Variants in TSPOAP1 observed in about 807,000 individuals in gnomAD.
TSPOAP1 encodes the protein peripheral-type benzodiazepine receptor-associated protein 1.
Under a neutral mutation model 197.0 loss-of-function variants are expected in TSPOAP1, and 87 were observed. The observed-to-expected ratio is 0.44, with a 90% CI of 0.37 to 0.53. The LOEUF is 0.53. Among genes scored for constraint, TSPOAP1 ranks in the 20% least tolerant of loss-of-function variants. The pLI, the probability that TSPOAP1 is intolerant of heterozygous loss-of-function variation, is 0.00. For missense variants in TSPOAP1, 2,174 were observed against 2,411.3 expected (o/e 0.90, Z 2.06); for synonymous variants, 913 against 998.9 (o/e 0.91, Z 1.62).
Position 58,309,914 on chromosome 17 carries a change from G to A in TSPOAP1, c.3891+53C>T. On this transcript the variant is annotated intron_variant, in intron 21 of 31. Transcript: ENST00000343736. The surrounding 1 kb of genome is among the most constrained non-coding windows in gnomAD (Gnocchi z 5.0). ...AGAGCACCTGCTGACACACAGTGGG[G>A]AGGCCCCGGAGTTTGAGGCCTGGGG... 2 of 1,555,472 alleles carry A rather than the reference G, an allele frequency of 1.3e-6. No individual in the cohort carries two copies. Among genetic ancestry groups the A allele is most frequent in the South Asian group, 1.2e-5 (1 of 81,914 alleles).
chr17:58,309,975 C>T lies in TSPOAP1; in HGVS notation c.3883G>A (p.Gly1295Arg), dbSNP rs779401659. 4.3e-6 allele frequency: 7 copies of T among 1,612,096 alleles called. No homozygotes were observed. The South Asian group carries it at 7.7e-5, about 18-fold the overall frequency. Residue 1295 changes from glycine to arginine, a missense_variant, in exon 21 of 32, where the codon GGG becomes AGG. Coordinates refer to ENST00000343736, the MANE Select transcript of TSPOAP1 (RefSeq NM_004758.4). This position sits in a 1 kb window ranked among gnomAD's most constrained non-coding sequence, Gnocchi z 5.0. ...QVAGNSIREN[G>R]AKSQPDPFCE... ...CATCCCTACCCCGTTACCTTGGCCC[C>T]ATTCTCCCTGATGCTGTTGCCAGCA...
intron 5 of TSPOAP1, 65 bp from the exon 6 acceptor site, chr17:58,323,610 C>A: frequency 6.5e-7 from 1 of 1,532,358 alleles, no homozygotes; most frequent in Non-Finnish European, 8.9e-7. Flanking sequence ...CCTGCCCCAG[C>A]CCAGCCTGCC....
chr17:58,304,545 G>A lies in TSPOAP1; in HGVS notation c.5545-146C>T. The A allele has an allele frequency of 1.5e-6, 1 of 685,862 alleles. No homozygotes were observed. The allele number at this position is 685,862 out of a possible 1,614,324, so 42.5% of individuals were successfully genotyped here. On this transcript the variant is annotated intron_variant, in intron 30 of 31. Transcript: ENST00000343736. The surrounding 1 kb of genome is among the most constrained non-coding windows in gnomAD (Gnocchi z 4.2). Reference sequence around the variant, plus strand: ...ATGGAAGCCCTGAGTTTTCTGGCTGGGGCTTGGCCTCTTCACCCTCTCTCC... The same window carrying A: ...ATGGAAGCCCTGAGTTTTCTGGCTGAGGCTTGGCCTCTTCACCCTCTCTCC...
At position 58,328,093 on chromosome 17, in the gene TSPOAP1, C is replaced by T. The variant is rs1346836353; in HGVS notation, c.-173G>A. ...CACCCACAAAGGAGGCTGCAGAAGG[C>T]GCCAGGGCTGCTGGAGCTGGAGCCA... On this transcript the variant is annotated 5_prime_UTR_variant, in exon 1 of 32. Transcript: ENST00000343736. This position sits in a 1 kb window ranked among gnomAD's most constrained non-coding sequence, Gnocchi z 4.3. The T allele has an allele frequency of 2.4e-5, 15 of 636,336 alleles. No individual in the cohort carries two copies. Among genetic ancestry groups the T allele is most frequent in the African/African-American group, 9.2e-5 (5 of 54,638 alleles). 39.4% of individuals were successfully genotyped at this position (636,336 alleles called of 1,614,324 possible).
At chr17:58,323,260 G>T (rs775240910) in intron 7 of TSPOAP1, 38 bp downstream of exon 7, 3 of 1,611,516 alleles carry the variant, frequency 1.9e-6, no homozygotes, top group East Asian at 4.5e-5. Context: ...CCGGGGTGAA[G>T]GGAGGAGCTG....
rs1971604531 is a variant in TSPOAP1 at position 58,326,301 on chromosome 17, G to A, written c.562C>T (p.Leu188=). ...CAGCCTCCTTTCCTCACCACCCTCA[G>A]GTTCGTTTCCTGCAGCTTTCGGGCC... ...ERARKLQETN[L]RVVSAPLPRP... The change falls in exon 3 of 32, where the codon CTG becomes TTG. Residue 188 remains leucine (L), a synonymous_variant. Coordinates refer to ENST00000343736, the MANE Select transcript of TSPOAP1 (RefSeq NM_004758.4). This position sits in a 1 kb window ranked among gnomAD's most constrained non-coding sequence, Gnocchi z 4.7. 12 of 1,613,922 alleles carry A rather than the reference G, an allele frequency of 7.4e-6. No individual in the cohort carries two copies. The highest frequency in any genetic ancestry group is 1.0e-5 in the Non-Finnish European group (12 of 1,180,000).
At position 58,322,373 on chromosome 17, in the gene TSPOAP1, C is replaced by A. The variant is rs1971427564; in HGVS notation, c.1357G>T (p.Val453Leu). 6.2e-7 allele frequency: 1 copy of A among 1,606,316 alleles called. No homozygotes were observed. Among genetic ancestry groups the A allele is most frequent in the African/African-American group, 1.3e-5 (1 of 75,036 alleles). Residue 453 changes from valine (V) to leucine (L), a missense_variant, in exon 10 of 32, where the codon GTG becomes TTG. This residue lies in a region of TSPOAP1 where 1,933 missense variants were observed against 2,139.0 expected (regional missense o/e 0.90). Transcript: ENST00000343736. The surrounding 1 kb of genome is among the most constrained non-coding windows in gnomAD (Gnocchi z 5.0). ...CTGAGCCGAGCCTGTTCATGCTCCA[C>A]CTCCAGCTGCTGCCGCCGCTGGGCC... ...EVAQRRQQLE[V>L]EHEQARLSLR...
Position 58,310,611 on chromosome 17 carries a change from C to T in TSPOAP1, c.3600G>A (p.Pro1200=), listed in dbSNP as rs1002030933. The change falls in exon 20 of 32, where the codon CCG becomes CCA. Residue 1200 remains proline (P), a synonymous_variant. Transcript: ENST00000343736. ...EAEWTAGEAC[P]ASSSTQGARA... Reference sequence around the variant, plus strand: ...GTGCTCCCTGGGTGGAGCTGGAGGCCGGACAGGCCTCTCCTGCAGTCCACT... The same window carrying T: ...GTGCTCCCTGGGTGGAGCTGGAGGCTGGACAGGCCTCTCCTGCAGTCCACT... The T allele has an allele frequency of 1.1e-5, 17 of 1,613,110 alleles. No individual in the cohort carries two copies. The highest frequency in any genetic ancestry group is 3.3e-5 in the South Asian group (3 of 91,088).
intron 16 of TSPOAP1, among the ~76,000 whole-genome samples, chr17:58,313,203 G>A (rs1971123463): frequency 6.6e-6 from 1 of 152,094 alleles, no homozygotes; most frequent in African/African-American, 2.4e-5. Flanking sequence ...GTTGAATCTA[G>A]GTGCTGGCTA....
chr17:58,322,420 A>C lies in TSPOAP1; in HGVS notation c.1318-8T>G. 1 of 1,605,546 alleles carries C rather than the reference A, an allele frequency of 6.2e-7. No individual in the cohort carries two copies. The highest frequency in any genetic ancestry group is 8.5e-7 in the Non-Finnish European group (1 of 1,179,830). On this transcript the variant is annotated splice_polypyrimidine_tract_variant and splice_region_variant and intron_variant, in intron 9 of 31. Transcript: ENST00000343736. This position sits in a 1 kb window ranked among gnomAD's most constrained non-coding sequence, Gnocchi z 5.0. ...GGCCACCTCCCGCATGTGCTGAAAC[A>C]CAAGATCTGAGTCAAGGCCAGAGCC...
In TSPOAP1 at chr17:58,326,907, T is replaced by TC; in HGVS notation, c.334-118dup. 1 of 832,168 alleles carries TC rather than the reference T, an allele frequency of 1.2e-6. No homozygotes were observed. Among genetic ancestry groups the TC allele is most frequent in the Non-Finnish European group, 2.0e-6 (1 of 504,538 alleles). The allele number at this position is 832,168 out of a possible 1,614,324, so 51.5% of individuals were successfully genotyped here. A position where few individuals can be genotyped will look rare whatever the true frequency, so the allele number is the denominator to read the frequency against. ...AAGGAGACATGGAGATGAAACGGTT[T>TC]CCCCTATGTCCCAGGCCTTCAGAGA... On this transcript the variant is annotated intron_variant, in intron 1 of 31. Coordinates refer to ENST00000343736, the MANE Select transcript of TSPOAP1 (RefSeq NM_004758.4). The surrounding 1 kb of genome is among the most constrained non-coding windows in gnomAD (Gnocchi z 4.7).
In TSPOAP1 at chr17:58,305,639, G is replaced by C. The variant is rs1348577777; in HGVS notation, c.5262C>G (p.Pro1754=). Residue 1754 remains proline (P), a synonymous_variant, in exon 28 of 32, where the codon CCC becomes CCG. Coordinates refer to ENST00000343736, the MANE Select transcript of TSPOAP1 (RefSeq NM_004758.4). ...SEGPAQPCPG[P]PKLVPSADLK... ...GGTCAGCAGAGGGGACCAGCTTAGG[G>C]GGGCCTGCAGGGGGAGTAGGAGAAG... The C allele has an allele frequency of 3.3e-6, 5 of 1,496,990 alleles. No individual in the cohort carries two copies. In the African/African-American group the frequency reaches 5.6e-5, roughly 17 times the overall value. 92.7% of individuals were successfully genotyped at this position (1,496,990 alleles called of 1,614,324 possible).
rs956240254 is a variant in TSPOAP1 at position 58,304,015 on chromosome 17, C to T, written c.*32+323G>A. On this transcript the variant is annotated intron_variant, in intron 31 of 31. Coordinates refer to ENST00000343736, the MANE Select transcript of TSPOAP1 (RefSeq NM_004758.4). This position sits in a 1 kb window ranked among gnomAD's most constrained non-coding sequence, Gnocchi z 4.2. ...CAGTATCATAATACCACTGATGAGT[C>T]CTAATATGGATGTCACGTCATGTTC... 3.4e-6 allele frequency: 1 copy of T among 296,528 alleles called. No homozygotes were observed. The highest frequency in any genetic ancestry group is 6.4e-6 in the Non-Finnish European group (1 of 155,210). The allele number at this position is 296,528 out of a possible 1,614,324, so 18.4% of individuals were successfully genotyped here.
Position 58,324,454 on chromosome 17 carries a change from G to A in TSPOAP1, c.942+357C>T, listed in dbSNP as rs1971504512. 6.6e-6 allele frequency among the ~76,000 whole-genome samples: 1 copy of A among 151,882 alleles called. No homozygotes were observed. Among genetic ancestry groups the A allele is most frequent in the African/African-American group, 2.4e-5 (1 of 41,396 alleles). On this transcript the variant is annotated intron_variant, in intron 5 of 31. Transcript: ENST00000343736. This position sits in a 1 kb window ranked among gnomAD's most constrained non-coding sequence, Gnocchi z 5.8. ...CTGACGGGGGCGTCCCCGCTCTACG[G>A]CGGCGGCGGGAGGAGGCGGCGCGGG...
At chr17:58,306,778 G>A (rs1363891041) in intron 25 of TSPOAP1, 22 bp downstream of exon 25, 2 of 1,597,476 alleles carry the variant, frequency 1.3e-6, no homozygotes, top group Non-Finnish European at 1.7e-6. Context: ...GGAGGTGGGT[G>A]AGGGACAGCA....
intron 26 of TSPOAP1, 33 bp downstream of exon 26, chr17:58,306,309 C>T (rs374407599): frequency 2.0e-6 from 3 of 1,537,680 alleles, no homozygotes; most frequent in African/African-American, 2.7e-5. Flanking sequence ...ACACATCCTC[C>T]CAGCACCTGA....
chr17:58,306,661 A>C (rs11652685), intron 25 of TSPOAP1, 139 bp downstream of exon 25: 331,203 of 1,130,734 alleles, frequency 0.29, 49,563 homozygotes, highest in African/African-American at 0.3. Context: ...ACCACTACGC[A>C]GCAGGGTTCA....
chr17:58,320,239 T>C, intron 11 of TSPOAP1, 110 bp from the exon 12 acceptor site: 1 of 1,313,570 alleles, frequency 7.6e-7, no homozygotes, highest in South Asian at 1.2e-5. Context: ...TCCAGTCAGC[T>C]CCCTGGACTG....
intron 16 of TSPOAP1, among the ~76,000 whole-genome samples, chr17:58,314,131 A>G (rs1279753388): frequency 6.6e-6 from 1 of 152,086 alleles, no homozygotes; most frequent in Non-Finnish European, 1.5e-5. Context: ...TCTGAGCTGC[A>G]GGGGGGCCTG....
Sources: allele counts gnomAD v4.1 joint callset (sites outside exome capture counted in the v4.1 genomes callset), GRCh38; gene constraint gnomAD v4.1.1; regional missense constraint gnomAD v4.1.1; non-coding constraint Gnocchi (gnomAD v3.1); transcripts MANE v1.5; gene names NCBI Gene and HGNC (gene_info 2026-07-23, HGNC 2026-07-21).